The following UBAP1 variants were observed in gnomAD, a reference collection of about 807,000 sequenced individuals.
UBAP1 encodes the protein ubiquitin associated protein 1.
Under a neutral mutation model 39.0 loss-of-function variants are expected in UBAP1, and 5 were observed. That is an observed-to-expected ratio of 0.13 (90% CI 0.07 to 0.27). UBAP1 has a LOEUF of 0.27. Among genes scored for constraint, UBAP1 ranks in the 10% least tolerant of loss-of-function variants. The pLI, the probability that UBAP1 is intolerant of heterozygous loss-of-function variation, is 1.00. For synonymous variants in UBAP1, 211 were observed against 225.1 expected (o/e 0.94, Z 0.56); for missense variants, 490 against 608.1 (o/e 0.81, Z 2.04).
At chr9:34,213,498 G>A (rs893432435) in intron 1 of UBAP1, among the ~76,000 whole-genome samples, 2 of 152,032 alleles carry the variant, frequency 1.3e-5, no homozygotes, top group African/African-American at 2.4e-5. Flanking sequence ...GCGACAGAGC[G>A]AGACTCTGTC....
In UBAP1 at chr9:34,179,185, G is replaced by T. The variant is rs746213297; in HGVS notation, c.-63G>T. The T allele has an allele frequency of 1.1e-4, 136 of 1,236,984 alleles. No individual in the cohort carries two copies. Among genetic ancestry groups the T allele is most frequent in the Admixed American group, 3.8e-4 (9 of 23,712 alleles). The allele number at this position is 1,236,984 out of a possible 1,614,324, so 76.6% of individuals were successfully genotyped here. A position where few individuals can be genotyped will look rare whatever the true frequency, so the allele number is the denominator to read the frequency against. On this transcript the variant is annotated 5_prime_UTR_variant, in exon 1 of 7. Coordinates refer to ENST00000297661, the MANE Select transcript of UBAP1 (RefSeq NM_016525.5). ...GCTCAGCGGGGACCGAGCCTGGGAG[G>T]CCGGCCGGTGCCAGCACCTTTCGGC...
At chr9:34,234,477 G>T in intron 3 of UBAP1, 137 bp downstream of exon 3, 1 of 1,003,582 alleles carries the variant, frequency 1.0e-6, no homozygotes. Context: ...ATATACAATG[G>T]TGGTCCCATA....
At chr9:34,241,061 A>G (rs1446590777) in intron 3 of UBAP1, 124 bp from the exon 4 acceptor site, 1 of 626,268 alleles carries the variant, frequency 1.6e-6, no homozygotes, top group Non-Finnish European at 2.6e-6. Context: ...ATCATCCCAC[A>G]CGCCTTAAAT....
intron 1 of UBAP1, among the ~76,000 whole-genome samples, chr9:34,199,342 G>T (rs1248140009): frequency 6.6e-6 from 1 of 152,038 alleles, no homozygotes; most frequent in African/African-American, 2.4e-5. Context: ...CAAAGTGCTG[G>T]GATTACAGGC....
intron 1 of UBAP1, among the ~76,000 whole-genome samples, chr9:34,193,159 A>G (rs1830827795): frequency 6.6e-6 from 1 of 151,890 alleles, no homozygotes; most frequent in Admixed American, 6.6e-5. Flanking sequence ...AAATACAAAA[A>G]ATTAGCCAGG....
At chr9:34,214,358 A>G (rs538530280) in intron 1 of UBAP1, among the ~76,000 whole-genome samples, 1 of 152,340 alleles carries the variant, frequency 6.6e-6, no homozygotes, top group South Asian at 2.1e-4. Context: ...GAACCCAGAA[A>G]TAAACCCAAA....
chr9:34,236,661 G>A (rs1181279539), intron 3 of UBAP1, among the ~76,000 whole-genome samples: 1 of 151,938 alleles, frequency 6.6e-6, no homozygotes, highest in Admixed American at 6.6e-5. Flanking sequence ...TAGATTTGCT[G>A]TGTCTCACAT....
chr9:34,181,131 T>TTTTTTTTTTTC (rs1830005084), intron 1 of UBAP1, among the ~76,000 whole-genome samples: 1 of 139,652 alleles, frequency 7.2e-6, no homozygotes, highest in Admixed American at 7.3e-5. Context: ...TTTTTTTTTT[T>TTTTTTTTTTTC]TTGAGACAGA....
chr9:34,242,935 A>G (rs1834035257), intron 4 of UBAP1, among the ~76,000 whole-genome samples: 1 of 152,234 alleles, frequency 6.6e-6, no homozygotes, highest in Admixed American at 6.5e-5. Flanking sequence ...GCCTGCTATT[A>G]GCTGGTAAAA....
chr9:34,226,147 G>GTGTGTGTGTGTA (rs1833084933), intron 2 of UBAP1, among the ~76,000 whole-genome samples: 1 of 143,294 alleles, frequency 7.0e-6, no homozygotes, highest in African/African-American at 2.6e-5. Context: ...GTGTGTGTGT[G>GTGTGTGTGTGTA]TGTGTGTGTG....
At chr9:34,188,447 T>A (rs867645125) in intron 1 of UBAP1, among the ~76,000 whole-genome samples, 57 of 98,436 alleles carry the variant, frequency 5.8e-4, no homozygotes, top group Middle Eastern at 6.3e-3. Context: ...TTTTTTTTTT[T>A]AAAGAGATGG....
intron 1 of UBAP1, among the ~76,000 whole-genome samples, chr9:34,188,991 T>C (rs1475319924): frequency 6.6e-6 from 1 of 151,956 alleles, no homozygotes; most frequent in Non-Finnish European, 1.5e-5. Flanking sequence ...TTAGGCTGGC[T>C]TTGCCTGTCT....
chr9:34,235,488 G>A (rs1331522823), intron 3 of UBAP1, among the ~76,000 whole-genome samples: 4 of 151,904 alleles, frequency 2.6e-5, no homozygotes, highest in Admixed American at 1.3e-4. Flanking sequence ...ACAGGCGCCC[G>A]CCACCATGCC....
intron 1 of UBAP1, among the ~76,000 whole-genome samples, chr9:34,202,242 G>T (rs1831414444): frequency 6.6e-6 from 1 of 152,016 alleles, no homozygotes; most frequent in Non-Finnish European, 1.5e-5. Flanking sequence ...TTGGGTCACT[G>T]CAACCTCCAC....
chr9:34,181,367 T>C (rs1351650199), intron 1 of UBAP1, among the ~76,000 whole-genome samples: 2 of 151,614 alleles, frequency 1.3e-5, no homozygotes, highest in African/African-American at 4.8e-5. Context: ...CCACCCGTCT[T>C]GGCCTCCCAG....
chr9:34,186,664 GA>G (rs1484633802), intron 1 of UBAP1, among the ~76,000 whole-genome samples: 1 of 151,960 alleles, frequency 6.6e-6, no homozygotes, highest in Non-Finnish European at 1.5e-5. Context: ...GTGCTTCTGC[GA>G]AGTGTATATT....
intron 1 of UBAP1, chr9:34,212,034 C>A: frequency 2.4e-6 from 1 of 422,722 alleles, no homozygotes; most frequent in South Asian, 1.7e-5. Flanking sequence ...TCCATACCAC[C>A]AGCTAAAAAA....
In UBAP1 at chr9:34,182,346, G is replaced by A. The variant is rs191904894; in HGVS notation, c.-8+3106G>A. Among the ~76,000 whole-genome samples the A allele has an allele frequency of 2.0e-4, 30 of 151,462 alleles. No homozygotes were observed. In the East Asian group the frequency reaches 4.9e-3, roughly 25 times the overall value. On this transcript the variant is annotated intron_variant, in intron 1 of 6. Coordinates refer to ENST00000297661, the MANE Select transcript of UBAP1 (RefSeq NM_016525.5). ...ATTACAGGCACCCACCACCACACCC[G>A]GCTAATTTTTATAGTTTTAGTAGCG... is the stretch of plus-strand genomic sequence containing the variant.
At position 34,241,277 on chromosome 9, in the gene UBAP1, G is replaced by A. The variant is rs967651652; in HGVS notation, c.252G>A (p.Ala84=). 10 of 1,504,356 alleles carry A rather than the reference G, an allele frequency of 6.6e-6. No homozygotes were observed. Among genetic ancestry groups the A allele is most frequent in the Non-Finnish European group, 8.9e-6 (10 of 1,127,356 alleles). The allele number at this position is 1,504,356 out of a possible 1,614,324, so 93.2% of individuals were successfully genotyped here. The change falls in exon 4 of 7, where the codon GCG becomes GCA. Residue 84 remains alanine, a synonymous_variant. Transcript: ENST00000297661. The part of the protein sequence containing the change: ...EAEREAECKI[A]EAEAKVNSKS... The stretch of plus-strand genomic sequence containing the variant: ...AGCGGGAAGCAGAGTGCAAAATTGC[G>A]GAAGCAGAAGCTAAAGTGAATTCTA...
Sources: gnomAD v4.1 joint callset for allele counts (sites outside exome capture counted in the v4.1 genomes callset) on GRCh38, gnomAD v4.1.1 for gene constraint, MANE v1.5 for transcripts, NCBI Gene and HGNC (gene_info 2026-07-23, HGNC 2026-07-21) for gene names.